Variants in GRK3 observed in about 807,000 individuals in gnomAD.
GRK3 encodes adrenergic, beta, receptor kinase 2.
A neutral mutation model predicts 95.7 loss-of-function variants in GRK3; 54 were observed. The ratio of observed to expected loss-of-function variants is 0.56; its 90% CI spans 0.45 to 0.71. The LOEUF is 0.71. Ranked by LOEUF, GRK3 falls within the 30% of genes least tolerant of loss-of-function variation. The pLI is 0.00. For synonymous variants in GRK3, 281 were observed against 290.8 expected, an observed-to-expected ratio of 0.97 and a Z score of 0.34; for missense variants, 649 against 851.2, an observed-to-expected ratio of 0.76 and a Z score of 2.96.
chr22:25,639,968 CTA>C (rs1181830587), intron 2 of GRK3, among the ~76,000 whole-genome samples: 1 of 152,032 alleles, frequency 6.6e-6, no homozygotes, highest in African/African-American at 2.4e-5. Context: ...AAATTGTGTG[CTA>C]TGAGTTTATA....
intron 3 of GRK3, among the ~76,000 whole-genome samples, chr22:25,657,108 T>C (rs2084877364): frequency 6.6e-6 from 1 of 151,884 alleles, no homozygotes; most frequent in African/African-American, 2.4e-5. Flanking sequence ...AGAGGCAGAG[T>C]GTTTGGGGCC....
At chr22:25,614,012 A>C (rs1165010801) in intron 2 of GRK3, among the ~76,000 whole-genome samples, 1 of 152,192 alleles carries the variant, frequency 6.6e-6, no homozygotes, top group African/African-American at 2.4e-5. Flanking sequence ...CACCCAAAAA[A>C]AAATTCAGAA....
chr22:25,725,751 C>T lies in GRK3; in HGVS notation c.*3301C>T. On this transcript the variant is annotated 3_prime_UTR_variant, in exon 21 of 21. Transcript: ENST00000324198. ...CACGAGGTCAGGAGATTGAGACCATCCTGGTTAGCAGAGTGAAACCCCGTC... is the reference window on the plus strand; with the variant it reads ...CACGAGGTCAGGAGATTGAGACCATTCTGGTTAGCAGAGTGAAACCCCGTC... 2.5e-6 allele frequency: 1 copy of T among 396,748 alleles called. No individual in the cohort carries two copies. Among genetic ancestry groups the T allele is most frequent in the South Asian group, 1.4e-4 (1 of 7,206 alleles). The allele number at this position is 396,748 out of a possible 1,614,324, so 24.6% of individuals were successfully genotyped here.
intron 13 of GRK3, among the ~76,000 whole-genome samples, chr22:25,699,930 T>C (rs951692848): frequency 3.3e-5 from 5 of 152,084 alleles, no homozygotes; most frequent in Admixed American, 3.3e-4. Flanking sequence ...GATCTCCTGA[T>C]CCCGTGATCT....
At chr22:25,657,848 C>T (rs745721713) in intron 3 of GRK3, among the ~76,000 whole-genome samples, 20 of 152,066 alleles carry the variant, frequency 1.3e-4, no homozygotes, top group Middle Eastern at 3.4e-3. Context: ...TCCTATATAT[C>T]CTGGATGCCC....
chr22:25,719,476 A>T (rs955631153), intron 19 of GRK3, among the ~76,000 whole-genome samples: 34 of 152,180 alleles, frequency 2.2e-4, no homozygotes, highest in African/African-American at 8.2e-4. Context: ...CTTGTTGAGA[A>T]TTTGTAGGTG....
At chr22:25,568,057 A>G (rs1362318956) in intron 1 of GRK3, among the ~76,000 whole-genome samples, 5 of 152,230 alleles carry the variant, frequency 3.3e-5, no homozygotes, top group Admixed American at 2.6e-4. Context: ...GTTTACTGAA[A>G]TGTTGTTGAG....
At chr22:25,639,116 T>C (rs919947306) in intron 2 of GRK3, among the ~76,000 whole-genome samples, 1 of 152,200 alleles carries the variant, frequency 6.6e-6, no homozygotes, top group Admixed American at 6.5e-5. Flanking sequence ...TTACAAGGCA[T>C]TTTTTCTAAC....
At chr22:25,663,597 A>AT (rs754202886) in intron 4 of GRK3, 33 bp from the exon 5 acceptor site, 55 of 1,446,422 alleles carry the variant, frequency 3.8e-5, no homozygotes, top group Non-Finnish European at 5.1e-5. Context: ...GTTACATTTT[A>AT]TTATTTAAAA....
rs2085464732 is a variant in GRK3, at chr22:25,725,237, T to C, written c.*2787T>C. 1 of 235,518 alleles carries C rather than the reference T, an allele frequency of 4.2e-6. No homozygotes were observed. The highest frequency in any genetic ancestry group is 8.1e-6 in the Non-Finnish European group (1 of 123,698). The allele number at this position is 235,518 out of a possible 1,614,324, so 14.6% of individuals were successfully genotyped here. A position where few individuals can be genotyped will look rare whatever the true frequency, so the allele number is the denominator to read the frequency against. ...ATTAAAAAGGTCAAAATTCAGCCTA[T>C]TTTTTTTCATTATTTTAGATTCCTG... On this transcript the variant is annotated 3_prime_UTR_variant, in exon 21 of 21. Transcript: ENST00000324198.
At chr22:25,618,985 G>A (rs572273577) in intron 2 of GRK3, among the ~76,000 whole-genome samples, 1 of 152,218 alleles carries the variant, frequency 6.6e-6, no homozygotes, top group Admixed American at 6.5e-5. Flanking sequence ...CTAGCTTCCT[G>A]GCTGGTCATG....
chr22:25,716,190 A>G (rs1014922877), intron 18 of GRK3, among the ~76,000 whole-genome samples: 8 of 152,096 alleles, frequency 5.3e-5, no homozygotes, highest in African/African-American at 1.7e-4. Context: ...GGATTTCACT[A>G]TGTTGGCCAG....
chr22:25,569,085 C>T (rs1931593913), intron 1 of GRK3, among the ~76,000 whole-genome samples: 3 of 152,150 alleles, frequency 2.0e-5, no homozygotes, highest in Non-Finnish European at 2.9e-5. Context: ...TACTCCTCTC[C>T]GTTTAGGCTG....
chr22:25,590,253 G>A (rs1413915247), intron 1 of GRK3, among the ~76,000 whole-genome samples: 2 of 150,748 alleles, frequency 1.3e-5, no homozygotes, highest in Admixed American at 6.6e-5. Context: ...ATGCCACTGC[G>A]AAAAAAATGT....
chr22:25,588,865 C>G (rs1932405599), intron 1 of GRK3, among the ~76,000 whole-genome samples: 1 of 151,468 alleles, frequency 6.6e-6, no homozygotes, highest in South Asian at 2.1e-4. Context: ...AACCCCTGGG[C>G]TCAAGTAATT....
intron 3 of GRK3, among the ~76,000 whole-genome samples, chr22:25,645,708 G>A (rs913550920): frequency 2.0e-5 from 3 of 152,124 alleles, no homozygotes; most frequent in Non-Finnish European, 2.9e-5. Context: ...GGATCACGAG[G>A]TCAGGAGATC....
chr22:25,603,855 G>A (rs1171912768), intron 1 of GRK3, among the ~76,000 whole-genome samples: 2 of 152,086 alleles, frequency 1.3e-5, no homozygotes, highest in Admixed American at 6.5e-5. Flanking sequence ...AGTATTTGAT[G>A]TTTTTTATTT....
Position 25,598,213 on chromosome 22 carries a change from A to C in GRK3, c.114-6164A>C, listed in dbSNP as rs187897713. Among the ~76,000 whole-genome samples the C allele has an allele frequency of 9.9e-4, 151 of 152,362 alleles. 1 individual carries two copies. The Middle Eastern group carries it at 0.027, about 27-fold the overall frequency. Reference sequence around the variant, plus strand: ...TGTTATTTAGAGGTAGACTATGGTAAGTAAAAATGTGTATTGTAAACCCTA... The same window carrying C: ...TGTTATTTAGAGGTAGACTATGGTACGTAAAAATGTGTATTGTAAACCCTA... On this transcript the variant is annotated intron_variant, in intron 1 of 20. Transcript: ENST00000324198.
intron 12 of GRK3, among the ~76,000 whole-genome samples, chr22:25,691,211 C>T (rs890230684): frequency 6.6e-6 from 1 of 152,128 alleles, no homozygotes; most frequent in African/African-American, 2.4e-5. Flanking sequence ...TTTATTTTGT[C>T]TTTTTAGATG....
Sources: gnomAD v4.1 joint callset for allele counts (sites outside exome capture counted in the v4.1 genomes callset) on GRCh38, gnomAD v4.1.1 for gene constraint, MANE v1.5 for transcripts, NCBI Gene and HGNC (gene_info 2026-07-23, HGNC 2026-07-21) for gene names.